The following POU6F2 variants were observed in gnomAD, a reference collection of about 807,000 sequenced individuals.
The protein encoded by POU6F2 is POU class 6 homeobox 2, also known as POU domain, class 6, transcription factor 2.
In POU6F2, 31 loss-of-function variants were observed where a neutral mutation model predicts 71.3. The ratio of observed to expected loss-of-function variants is 0.43; its 90% CI spans 0.33 to 0.59. The LOEUF is 0.59. POU6F2 is among the 20% of genes least tolerant of loss of function. The pLI is 0.04. For missense variants in POU6F2, 783 were observed against 856.8 expected (o/e 0.91, Z 1.07); for synonymous variants, 347 against 355.7 (o/e 0.98, Z 0.27).
At chr7:39,302,713 GCAA>G (rs1184850206) in intron 4 of POU6F2, among the ~76,000 whole-genome samples, 11 of 152,220 alleles carry the variant, frequency 7.2e-5, no homozygotes, top group Non-Finnish European at 1.3e-4. Context: ...TCTTAGATAA[GCAA>G]TATGCGTAAC....
intron 9 of POU6F2, among the ~76,000 whole-genome samples, chr7:39,463,527 A>G (rs1232176581): frequency 5.9e-5 from 9 of 152,144 alleles, no homozygotes; most frequent in Non-Finnish European, 1.2e-4. Flanking sequence ...AGCAATGGGT[A>G]ATGTTTTACC....
chr7:39,156,247 A>G (rs1792868309), intron 2 of POU6F2, among the ~76,000 whole-genome samples: 1 of 152,176 alleles, frequency 6.6e-6, no homozygotes, highest in Non-Finnish European at 1.5e-5. Flanking sequence ...TTTACAAAAG[A>G]CCATATTGAC....
At chr7:39,286,799 G>A (rs1402650916) in intron 4 of POU6F2, among the ~76,000 whole-genome samples, 3 of 152,082 alleles carry the variant, frequency 2.0e-5, no homozygotes, top group Non-Finnish European at 4.4e-5. Flanking sequence ...GTCTCGCTCT[G>A]TCTCCCAGAC....
intron 7 of POU6F2, among the ~76,000 whole-genome samples, chr7:39,449,487 A>G (rs993352280): frequency 1.3e-5 from 2 of 152,206 alleles, no homozygotes; most frequent in African/African-American, 2.4e-5. Context: ...ATTCTCATAC[A>G]TTGCTGGTGG....
At chr7:39,179,325 A>T (rs1793389556) in intron 2 of POU6F2, among the ~76,000 whole-genome samples, 1 of 152,196 alleles carries the variant, frequency 6.6e-6, no homozygotes, top group African/African-American at 2.4e-5. Flanking sequence ...TGGCTTAGGC[A>T]AAGTTACTTT....
intron 4 of POU6F2, among the ~76,000 whole-genome samples, chr7:39,312,751 C>T (rs1785189646): frequency 6.6e-6 from 1 of 152,214 alleles, no homozygotes; most frequent in Non-Finnish European, 1.5e-5. Context: ...CACTGCGATA[C>T]TGCAACAGTC....
intron 1 of POU6F2, among the ~76,000 whole-genome samples, chr7:39,023,308 C>T (rs1789721877): frequency 6.6e-6 from 1 of 151,880 alleles, no homozygotes; most frequent in African/African-American, 2.4e-5. Flanking sequence ...TACACAAAGG[C>T]TTTTAAAAGA....
chr7:39,149,750 G>A (rs753330911), intron 2 of POU6F2, among the ~76,000 whole-genome samples: 4 of 151,770 alleles, frequency 2.6e-5, no homozygotes, highest in African/African-American at 4.8e-5. Flanking sequence ...ATATGTGTGT[G>A]TATATATATA....
chr7:39,057,052 A>C (rs10253799), intron 1 of POU6F2, among the ~76,000 whole-genome samples: 1 of 152,094 alleles, frequency 6.6e-6, no homozygotes, highest in Non-Finnish European at 1.5e-5. Flanking sequence ...TGAGCCCTTC[A>C]TCTTGGAGAA....
In POU6F2 at chr7:39,180,401, G is replaced by A. The variant is rs1793413812; in HGVS notation, c.278-23834G>A. Among the ~76,000 whole-genome samples, 3 of 152,126 alleles carry A rather than the reference G, an allele frequency of 2.0e-5. No homozygotes were observed. In the South Asian group the frequency reaches 6.2e-4, roughly 32 times the overall value. On this transcript the variant is annotated intron_variant, in intron 2 of 9. Transcript: ENST00000518318. ...GACAATAGAGGAATTATTTTACACA[G>A]TATTTTCAATGCCACTCAATCAGCA...
intron 7 of POU6F2, among the ~76,000 whole-genome samples, chr7:39,446,665 G>C (rs1315577482): frequency 6.6e-6 from 1 of 152,178 alleles, no homozygotes; most frequent in Admixed American, 6.5e-5. Flanking sequence ...CAAACCAAGA[G>C]AGCAAGCCTG....
chr7:39,414,537 C>A (rs1787626884), intron 6 of POU6F2, among the ~76,000 whole-genome samples: 1 of 152,134 alleles, frequency 6.6e-6, no homozygotes, highest in Non-Finnish European at 1.5e-5. Context: ...CGCTGTTGAG[C>A]CCCGATGCGC....
At position 39,409,302 on chromosome 7, in the gene POU6F2, T is replaced by C. The variant is rs577715110; in HGVS notation, c.1113+2562T>C. On this transcript the variant is annotated intron_variant, in intron 6 of 9. Coordinates refer to ENST00000518318, the MANE Select transcript of POU6F2 (RefSeq NM_001370959.1). Reference sequence around the variant, plus strand: ...AACCTAAACCTAAGTGTGGAAAGCATGTTTTACTCTACTGATAGTTTGGTG... The same window carrying C: ...AACCTAAACCTAAGTGTGGAAAGCACGTTTTACTCTACTGATAGTTTGGTG... Among the ~76,000 whole-genome samples the C allele has an allele frequency of 4.2e-4, 64 of 152,326 alleles. No homozygotes were observed. The South Asian group carries it at 0.01, about 24-fold the overall frequency.
At chr7:39,091,020 A>T (rs944472580) in intron 2 of POU6F2, among the ~76,000 whole-genome samples, 1 of 119,792 alleles carries the variant, frequency 8.3e-6, no homozygotes, top group Non-Finnish European at 2.0e-5. Flanking sequence ...GGTATTTTTA[A>T]AAAAATCAGT....
At chr7:39,339,032 C>T (rs1785848993) in intron 4 of POU6F2, among the ~76,000 whole-genome samples, 3 of 151,116 alleles carry the variant, frequency 2.0e-5, no homozygotes, top group Admixed American at 1.3e-4. Context: ...AATTCAGACT[C>T]AGGCTTTTGA....
At chr7:39,385,417 G>A (rs552166584) in intron 5 of POU6F2, among the ~76,000 whole-genome samples, 2 of 152,320 alleles carry the variant, frequency 1.3e-5, no homozygotes, top group Admixed American at 6.5e-5. Flanking sequence ...AGTTGCACAC[G>A]GTCCTGGGAA....
At chr7:38,998,305 G>A (rs1262370261) in intron 1 of POU6F2, among the ~76,000 whole-genome samples, 1 of 152,124 alleles carries the variant, frequency 6.6e-6, no homozygotes, top group Non-Finnish European at 1.5e-5. Flanking sequence ...CTTCTCCCAT[G>A]TTCTCTATCA....
intron 1 of POU6F2, among the ~76,000 whole-genome samples, chr7:39,053,557 CT>C (rs1562687233): frequency 6.6e-6 from 1 of 151,982 alleles, no homozygotes; most frequent in Non-Finnish European, 1.5e-5. Flanking sequence ...ATAAAATGTT[CT>C]TTTTTTCTGA....
At chr7:39,078,836 T>C (rs1791051530) in intron 1 of POU6F2, among the ~76,000 whole-genome samples, 1 of 152,158 alleles carries the variant, frequency 6.6e-6, no homozygotes, top group African/African-American at 2.4e-5. Flanking sequence ...AGGGGCAACA[T>C]GCCTGGCTAC....
Sources: gnomAD v4.1 joint callset for allele counts (sites outside exome capture counted in the v4.1 genomes callset) on GRCh38, gnomAD v4.1.1 for gene constraint, MANE v1.5 for transcripts, NCBI Gene and HGNC (gene_info 2026-07-23, HGNC 2026-07-21) for gene names.